Variants in FHIT observed in about 807,000 individuals in gnomAD.
FHIT encodes the protein fragile histidine triad diadenosine triphosphatase.
Under a neutral mutation model 17.9 loss-of-function variants are expected in FHIT, and 19 were observed. The ratio of observed to expected loss-of-function variants is 1.06; its 90% CI spans 0.74 to 1.56. The LOEUF (loss-of-function observed/expected upper bound fraction) is 1.56. Among genes scored for constraint, FHIT ranks in the 40% most tolerant of loss-of-function variants. FHIT has a pLI of 0.00. For synonymous variants in FHIT, 81 were observed against 69.7 expected, an observed-to-expected ratio of 1.16 and a Z score of -0.81; for missense variants, 248 against 189.2, an observed-to-expected ratio of 1.31 and a Z score of -1.82.
chr3:59,927,998 T>C (rs950381120), intron 7 of FHIT, among the ~76,000 whole-genome samples: 2 of 152,304 alleles, frequency 1.3e-5, no homozygotes, highest in East Asian at 1.9e-4. Flanking sequence ...TCAGAATATA[T>C]TGTAATTCAA....
At chr3:60,545,122 T>G (rs2036318265) in intron 4 of FHIT, among the ~76,000 whole-genome samples, 1 of 152,056 alleles carries the variant, frequency 6.6e-6, no homozygotes, top group African/African-American at 2.4e-5. Context: ...TTGTATCAAT[T>G]TCTTAGCCAT....
Position 59,768,801 on chromosome 3 carries a change from G to A in FHIT, c.349-16480C>T, listed in dbSNP as rs531763795. On this transcript the variant is annotated intron_variant, in intron 8 of 9. Coordinates refer to ENST00000492590, the MANE Select transcript of FHIT (RefSeq NM_002012.4). ...TCAAATAAGAGTTTAATTATGTTAT[G>A]TAAACCATATGATATACTAGTGAGG... 5.3e-5 allele frequency among the ~76,000 whole-genome samples: 8 copies of A among 152,316 alleles called. No homozygotes were observed. In the South Asian group the frequency reaches 1.5e-3, roughly 28 times the overall value.
At chr3:60,510,149 A>T (rs1281114610) in intron 5 of FHIT, among the ~76,000 whole-genome samples, 1 of 152,212 alleles carries the variant, frequency 6.6e-6, no homozygotes, top group Non-Finnish European at 1.5e-5. Flanking sequence ...TATGAAGAAC[A>T]CAGGAAACCA....
chr3:60,836,308 T>C (rs782237704), intron 3 of FHIT, among the ~76,000 whole-genome samples: 18 of 152,212 alleles, frequency 1.2e-4, no homozygotes, highest in Non-Finnish European at 2.6e-4. Flanking sequence ...AATTGCGAAG[T>C]GTTCTCTCCT....
At chr3:60,673,771 T>C (rs1235805157) in intron 4 of FHIT, among the ~76,000 whole-genome samples, 3 of 152,182 alleles carry the variant, frequency 2.0e-5, no homozygotes, top group African/African-American at 7.2e-5. Context: ...GAGTCTAAAA[T>C]AACTCTTACT....
chr3:59,923,589 G>A (rs13070872), intron 7 of FHIT, among the ~76,000 whole-genome samples: 1 of 151,812 alleles, frequency 6.6e-6, no homozygotes, highest in Non-Finnish European at 1.5e-5. Flanking sequence ...ATTGTACCTC[G>A]GCTGAAGTTA....
intron 4 of FHIT, among the ~76,000 whole-genome samples, chr3:60,680,244 T>C (rs1357632026): frequency 5.9e-5 from 9 of 152,166 alleles, no homozygotes; most frequent in African/African-American, 2.2e-4. Flanking sequence ...ATTTTGACAA[T>C]TGGATAGATG....
At chr3:61,039,713 A>G (rs536418460) in intron 3 of FHIT, among the ~76,000 whole-genome samples, 2 of 152,256 alleles carry the variant, frequency 1.3e-5, no homozygotes, top group Non-Finnish European at 2.9e-5. Context: ...GAGGGGTAGG[A>G]GTCTGCGGGG....
intron 3 of FHIT, among the ~76,000 whole-genome samples, chr3:60,873,854 C>T (rs1704525954): frequency 6.6e-6 from 1 of 152,088 alleles, no homozygotes; most frequent in Non-Finnish European, 1.5e-5. Context: ...AGATAAACTT[C>T]GATGTATAGA....
At position 60,838,485 on chromosome 3, in the gene FHIT, AAAACAAAC is replaced by A. The variant is rs200216713; in HGVS notation, c.-110-16482_-110-16475del. Among the ~76,000 whole-genome samples, 12 of 152,114 alleles carry A rather than the reference AAAACAAAC, an allele frequency of 7.9e-5. No individual in the cohort carries two copies. In the South Asian group the frequency reaches 8.3e-4, roughly 11 times the overall value. On this transcript the variant is annotated intron_variant, in intron 3 of 9. Transcript: ENST00000492590. ...AGACTCCGTCTCAAAAACAAAAACA[AAAACAAAC>A]AAACAAACAAACAAAAAACACAAAT...
At chr3:60,254,074 C>T (rs1705861649) in intron 5 of FHIT, among the ~76,000 whole-genome samples, 1 of 152,178 alleles carries the variant, frequency 6.6e-6, no homozygotes, top group African/African-American at 2.4e-5. Flanking sequence ...CTTTTACACA[C>T]ACAGACACAC....
intron 5 of FHIT, among the ~76,000 whole-genome samples, chr3:60,377,464 C>CTTTT (rs1196507429): frequency 4.0e-5 from 2 of 49,716 alleles, no homozygotes; most frequent in Non-Finnish European, 7.0e-5. Context: ...GCCAAGAATT[C>CTTTT]TTTTTTTTTT....
In FHIT at chr3:61,017,549, C is replaced by T. The variant is rs528681763; in HGVS notation, c.-111+24498G>A. ...TTCTAGGAATCCGATGTATCATTCA[C>T]ACAATTTGTATTCCCATTAGCCTTG... On this transcript the variant is annotated intron_variant, in intron 3 of 9. Transcript: ENST00000492590. Among the ~76,000 whole-genome samples, 12 of 152,316 alleles carry T rather than the reference C, an allele frequency of 7.9e-5. No individual in the cohort carries two copies. The East Asian group carries it at 1.7e-3, about 22-fold the overall frequency.
At chr3:60,068,398 A>G (rs963897108) in intron 5 of FHIT, among the ~76,000 whole-genome samples, 7 of 152,208 alleles carry the variant, frequency 4.6e-5, no homozygotes, top group African/African-American at 1.4e-4. Flanking sequence ...TCCCAGGGTT[A>G]AGCTGGAGAT....
At chr3:60,374,101 T>A (rs184826992) in intron 5 of FHIT, among the ~76,000 whole-genome samples, 2 of 152,216 alleles carry the variant, frequency 1.3e-5, no homozygotes, top group African/African-American at 4.8e-5. Context: ...TTCTTACATA[T>A]AACACATATA....
chr3:60,077,763 C>A, intron 5 of FHIT, among the ~76,000 whole-genome samples: 1 of 136,578 alleles, frequency 7.3e-6, no homozygotes, highest in Non-Finnish European at 1.5e-5. Flanking sequence ...TACAAAGTAA[C>A]ATGTAGGATG....
chr3:60,453,861 T>C (rs745716747), intron 5 of FHIT, among the ~76,000 whole-genome samples: 1 of 152,122 alleles, frequency 6.6e-6, no homozygotes, highest in Non-Finnish European at 1.5e-5. Flanking sequence ...ATAAGAACAC[T>C]GAGGAAAAGC....
intron 5 of FHIT, among the ~76,000 whole-genome samples, chr3:60,373,769 A>T (rs1195802188): frequency 6.6e-6 from 1 of 152,224 alleles, no homozygotes; most frequent in Non-Finnish European, 1.5e-5. Context: ...CTATCTAACC[A>T]GAATGCCATT....
intron 4 of FHIT, among the ~76,000 whole-genome samples, chr3:60,623,893 C>A (rs1400793735): frequency 1.3e-5 from 2 of 152,152 alleles, no homozygotes; most frequent in African/African-American, 2.4e-5. Context: ...TCCCTCCATA[C>A]CCCCCACTTC....
Sources: gnomAD v4.1 joint callset for allele counts (sites outside exome capture counted in the v4.1 genomes callset) on GRCh38, gnomAD v4.1.1 for gene constraint, MANE v1.5 for transcripts, NCBI Gene and HGNC (gene_info 2026-07-23, HGNC 2026-07-21) for gene names.